COMT: variants seen among roughly 807,000 people sequenced by gnomAD.
COMT encodes catechol-O-methyltransferase.
COMT carries 13 observed loss-of-function variants against 18.9 expected under a neutral mutation model. The observed-to-expected ratio is 0.69, with a 90% CI of 0.45 to 1.09. The LOEUF is 1.09. Ranked by LOEUF, COMT falls within the 50% of genes least tolerant of loss-of-function variation. The pLI is 0.00. For synonymous variants in COMT, 150 were observed against 160.9 expected, an observed-to-expected ratio of 0.93 and a Z score of 0.51; for missense variants, 329 against 361.8, an observed-to-expected ratio of 0.91 and a Z score of 0.73.
chr22:19,961,694 T>C (rs1449819584), intron 2 of COMT: 1 of 152,304 alleles, frequency 6.6e-6, no homozygotes, highest in Non-Finnish European at 1.5e-5. Context: ...CTTCCCGTTT[T>C]AGGGTCTGTG....
At chr22:19,954,239 C>G (rs1942012455) in intron 1 of COMT, among the ~76,000 whole-genome samples, 1 of 136,716 alleles carries the variant, frequency 7.3e-6, no homozygotes, top group Non-Finnish European at 1.7e-5. Flanking sequence ...AAAGCCTTCC[C>G]CTGAGCCTGG....
At chr22:19,963,303 T>C (rs1016849679) in intron 3 of COMT, 2 of 590,526 alleles carry the variant, frequency 3.4e-6, no homozygotes, top group African/African-American at 3.7e-5. Context: ...GTGGAAAAGA[T>C]AGGGACCAGC....
intron 1 of COMT, among the ~76,000 whole-genome samples, chr22:19,946,979 G>A (rs534688471): frequency 4.3e-4 from 59 of 138,498 alleles, no homozygotes; most frequent in Non-Finnish European, 7.7e-4. Flanking sequence ...GCAGTGGCAC[G>A]ATCTCGGCTC....
At position 19,962,779 on chromosome 22, in the gene COMT, CAGA is replaced by C. The variant is rs747016982; in HGVS notation, c.256_258del (p.Lys86del). On this transcript the variant is annotated inframe_deletion, in exon 3 of 6. Coordinates refer to ENST00000361682, the MANE Select transcript of COMT (RefSeq NM_000754.4). ...GGAGGCCATTGACACCTACTGCGAG[CAGA>C]AGGAGTGGGCCATGAACGTGGGCGA... 28 of 1,609,426 alleles carry C rather than the reference CAGA, an allele frequency of 1.7e-5. No homozygotes were observed. The highest frequency in any genetic ancestry group is 1.7e-4 in the Middle Eastern group (1 of 6,048).
At position 19,941,895 on chromosome 22, in the gene COMT, G is replaced by C. The variant is rs1941737126; in HGVS notation, c.-94G>C. The C allele has an allele frequency of 1.5e-6, 2 of 1,320,010 alleles. No homozygotes were observed. The highest frequency in any genetic ancestry group is 3.1e-5 in the East Asian group (1 of 31,982). 81.8% of individuals were successfully genotyped at this position (1,320,010 alleles called of 1,614,324 possible). The stretch of plus-strand genomic sequence containing the variant: ...CAGTCCCGGGCGGGCCGTCGCGGGA[G>C]AGGTGAGAGCGCTGGCTAGACCGGG... On this transcript the variant is annotated splice_region_variant and 5_prime_UTR_variant, in exon 1 of 6. Coordinates refer to ENST00000361682, the MANE Select transcript of COMT (RefSeq NM_000754.4).
At chr22:19,952,343 A>G (rs1053475161) in intron 1 of COMT, among the ~76,000 whole-genome samples, 4 of 151,924 alleles carry the variant, frequency 2.6e-5, no homozygotes, top group African/African-American at 9.7e-5. Context: ...CCCTGTCTTT[A>G]AAAACAAAAA....
chr22:19,966,881 T>G (rs1190383413), intron 5 of COMT: 1 of 957,474 alleles, frequency 1.0e-6, no homozygotes, highest in Non-Finnish European at 1.2e-6. Context: ...GTGGGCCAGA[T>G]GAAAACCACC....
chr22:19,950,261 T>TTTTTTTTTTTTTTTTTTTTTTTTG (rs763598655), intron 1 of COMT, among the ~76,000 whole-genome samples: 4 of 132,720 alleles, frequency 3.0e-5, no homozygotes, highest in African/African-American at 5.2e-5. Flanking sequence ...TTTTTTTTTT[T>TTTTTTTTTTTTTTTTTTTTTTTTG]TTCTGTAGAG....
intron 1 of COMT, among the ~76,000 whole-genome samples, chr22:19,953,313 CAG>C (rs1282977485): frequency 6.6e-6 from 1 of 152,136 alleles, no homozygotes; most frequent in South Asian, 2.1e-4. Flanking sequence ...TTTTTTGAGA[CAG>C]AGTCTCGCTC....
chr22:19,968,471 G>T, intron 5 of COMT, 65 bp from the exon 6 acceptor site: 1 of 1,516,130 alleles, frequency 6.6e-7, no homozygotes, highest in South Asian at 1.2e-5. Context: ...CACCCATCCT[G>T]GTTTGGGGCA....
In COMT at chr22:19,968,583, G is replaced by A. The variant is rs899829083; in HGVS notation, c.663G>A (p.Val221=). The change falls in exon 6 of 6, where the codon GTG becomes GTA. Residue 221 remains valine (V), a synonymous_variant. Coordinates refer to ENST00000361682, the MANE Select transcript of COMT (RefSeq NM_000754.4). ...RKGTVLLADN[V]ICPGAPDFLA... The stretch of plus-strand genomic sequence containing the variant: ...GGACAGTGCTACTGGCTGACAACGT[G>A]ATCTGCCCAGGTGCGCCAGACTTCC... The A allele has an allele frequency of 6.2e-7, 1 of 1,614,096 alleles. No individual in the cohort carries two copies. The highest frequency in any genetic ancestry group is 8.5e-7 in the Non-Finnish European group (1 of 1,180,012).
chr22:19,957,747 A>T (rs1942095982), intron 1 of COMT, among the ~76,000 whole-genome samples: 1 of 152,092 alleles, frequency 6.6e-6, no homozygotes, highest in Non-Finnish European at 1.5e-5. Context: ...GAGAGGTAAG[A>T]CCATCAGCCG....
intron 5 of COMT, chr22:19,967,353 G>A: frequency 5.3e-6 from 3 of 570,570 alleles, no homozygotes; most frequent in South Asian, 4.5e-5. Context: ...CTCCCGGGTG[G>A]CGCTTTGTTC....
At chr22:19,943,869 T>C (rs1220587834) in intron 1 of COMT, among the ~76,000 whole-genome samples, 1 of 148,224 alleles carries the variant, frequency 6.7e-6, no homozygotes, top group Non-Finnish European at 1.5e-5. Context: ...GTGGTTACTT[T>C]CTGGAGAGAG....
Position 19,964,260 on chromosome 22 carries a change from C to G in COMT, c.576C>G (p.His192Gln), listed in dbSNP as rs142545956. The G allele has an allele frequency of 1.2e-6, 2 of 1,614,098 alleles. No individual in the cohort carries two copies. The highest frequency in any genetic ancestry group is 1.7e-5 in the Admixed American group (1 of 60,026). The change falls in exon 5 of 6, where the codon CAC becomes CAG. Residue 192 changes from histidine (H) to glutamine (Q), a missense_variant. Transcript: ENST00000361682. ...VDTLDMVFLDHWKDRYLPDTL... is the reference protein window; with the variant it reads ...VDTLDMVFLDQWKDRYLPDTL... ...CACTGGACATGGTCTTCCTCGACCACTGGAAGGACCGGTACCTGCCGGACA... is the reference window on the plus strand; with the variant it reads ...CACTGGACATGGTCTTCCTCGACCAGTGGAAGGACCGGTACCTGCCGGACA...
At chr22:19,967,404 TTTCTAAATGAAAA>T (rs1168616738) in intron 5 of COMT, 1 of 476,848 alleles carries the variant, frequency 2.1e-6, no homozygotes, top group Admixed American at 2.4e-5. Flanking sequence ...TTTTTTTTTT[TTTCTAAATGAAAA>T]CACATCATGA....
At chr22:19,944,916 A>T (rs1253770663) in intron 1 of COMT, among the ~76,000 whole-genome samples, 1 of 152,252 alleles carries the variant, frequency 6.6e-6, no homozygotes. Context: ...TTCTCCACTG[A>T]AGCATAGCAT....
chr22:19,967,370 T>C, intron 5 of COMT: 1 of 499,312 alleles, frequency 2.0e-6, no homozygotes, highest in Non-Finnish European at 3.9e-6. Flanking sequence ...GTTCTACGTC[T>C]TTTCAGCTGA....
intron 1 of COMT, among the ~76,000 whole-genome samples, chr22:19,953,546 G>C (rs543103885): frequency 1.3e-4 from 20 of 152,280 alleles, no homozygotes; most frequent in Middle Eastern, 3.4e-3. Flanking sequence ...GCCTGCCTCA[G>C]CCTCCCAAAG....
Sources: allele counts gnomAD v4.1 joint callset (sites outside exome capture counted in the v4.1 genomes callset), GRCh38; gene constraint gnomAD v4.1.1; transcripts MANE v1.5; gene names NCBI Gene and HGNC (gene_info 2026-07-23, HGNC 2026-07-21).